The following GRAMD1B variants were observed in gnomAD, a reference collection of about 807,000 sequenced individuals.
The protein encoded by GRAMD1B is GRAM domain containing 1B, also known as protein Aster-B.
Under a neutral mutation model 99.7 loss-of-function variants are expected in GRAMD1B, and 37 were observed. The ratio of observed to expected loss-of-function variants is 0.37; its 90% CI spans 0.29 to 0.49. The LOEUF (loss-of-function observed/expected upper bound fraction) is 0.49, where lower values mean the gene tolerates loss of function less well. GRAMD1B is among the 20% of genes least tolerant of loss of function. The pLI, the probability that GRAMD1B is intolerant of heterozygous loss-of-function variation, is 0.98. For synonymous variants in GRAMD1B, 427 were observed against 387.6 expected (o/e 1.10, Z -1.19); for missense variants, 888 against 1,009.2 (o/e 0.88, Z 1.63).
At chr11:123,534,778 T>C (rs1316521538) in intron 2 of GRAMD1B, among the ~76,000 whole-genome samples, 1 of 151,928 alleles carries the variant, frequency 6.6e-6, no homozygotes, top group African/African-American at 2.4e-5. Flanking sequence ...GGCAGGAGAA[T>C]TGCTTGAACC....
intron 2 of GRAMD1B, among the ~76,000 whole-genome samples, chr11:123,527,083 C>A (rs1283208973): frequency 6.6e-6 from 1 of 152,060 alleles, no homozygotes; most frequent in Non-Finnish European, 1.5e-5. Context: ...GAGCTTTCTC[C>A]CTGAAGAGGG....
Position 123,363,575 on chromosome 11 carries a change from T to C in GRAMD1B, c.-176+4776T>C, listed in dbSNP as rs144383697. On this transcript the variant is annotated intron_variant, in intron 1 of 20. Transcript: ENST00000638157. ...CTCTCATACTCTCTCTCATACTTTT[T>C]TTTTGTTTGTTTTTTTTTGGCACTG... Among the ~76,000 whole-genome samples the C allele has an allele frequency of 2.5e-3, 375 of 152,014 alleles. 4 individuals carry two copies. The highest frequency in any genetic ancestry group is 6.0e-3 in the African/African-American group (247 of 41,298).
intron 1 of GRAMD1B, among the ~76,000 whole-genome samples, chr11:123,470,331 C>T (rs1313689979): frequency 3.9e-5 from 6 of 152,232 alleles, no homozygotes; most frequent in East Asian, 1.9e-4. Flanking sequence ...ACAAAACTGC[C>T]GAGAGCAGCT....
At chr11:123,463,337 G>A (rs1444369161) in intron 1 of GRAMD1B, among the ~76,000 whole-genome samples, 1 of 152,222 alleles carries the variant, frequency 6.6e-6, no homozygotes, top group Non-Finnish European at 1.5e-5. Context: ...TTAAAATGGG[G>A]ATCAGAGTGT....
chr11:123,625,681 C>T lies in GRAMD1B; in HGVS notation c.*3086C>T, dbSNP rs112130784. ...CTCCCCCTCTCTGAGCTTCAGTATC[C>T]TCCTGTCACAGGAGGGAGTTGGGCT... On this transcript the variant is annotated 3_prime_UTR_variant, in exon 20 of 20. Transcript: ENST00000635736. The T allele has an allele frequency of 5.8e-4, 88 of 152,480 alleles. No homozygotes were observed. The highest frequency in any genetic ancestry group is 2.0e-3 in the African/African-American group (83 of 41,552). The allele number at this position is 152,480 out of a possible 1,614,324, so 9.4% of individuals were successfully genotyped here. A position where few individuals can be genotyped will look rare whatever the true frequency, so the allele number is the denominator to read the frequency against.
chr11:123,543,735 C>T (rs1437145321), intron 2 of GRAMD1B, among the ~76,000 whole-genome samples: 2 of 152,156 alleles, frequency 1.3e-5, no homozygotes, highest in Non-Finnish European at 2.9e-5. Context: ...GATCCCATTT[C>T]GCAGAAGAAT....
At chr11:123,361,007 G>A (rs1190827421) in intron 1 of GRAMD1B, among the ~76,000 whole-genome samples, 1 of 151,998 alleles carries the variant, frequency 6.6e-6, no homozygotes, top group Admixed American at 6.6e-5. Flanking sequence ...TACTAGAGAT[G>A]GGGTTTCACC....
At chr11:123,592,864 C>A (rs1285491182) in intron 4 of GRAMD1B, among the ~76,000 whole-genome samples, 1 of 151,962 alleles carries the variant, frequency 6.6e-6, no homozygotes, top group Non-Finnish European at 1.5e-5. Context: ...CATCTGTCAC[C>A]CCCGGTGCTC....
chr11:123,503,163 T>A (rs1037237636), intron 2 of GRAMD1B, among the ~76,000 whole-genome samples: 2 of 152,234 alleles, frequency 1.3e-5, no homozygotes, highest in African/African-American at 4.8e-5. Flanking sequence ...ATAGGACATT[T>A]GTGAACAAGG....
At chr11:123,548,292 AT>A (rs1358586223) in intron 2 of GRAMD1B, among the ~76,000 whole-genome samples, 18 of 7,678 alleles carry the variant, frequency 2.3e-3, no homozygotes, top group South Asian at 5.4e-3. Context: ...CTGTGCCAAA[AT>A]ATATATATAT....
chr11:123,376,816 A>G (rs545443328), intron 1 of GRAMD1B, among the ~76,000 whole-genome samples: 1 of 152,246 alleles, frequency 6.6e-6, no homozygotes, highest in South Asian at 2.1e-4. Flanking sequence ...TTTTCCTCCC[A>G]CGGTGGTTGT....
intron 1 of GRAMD1B, among the ~76,000 whole-genome samples, chr11:123,376,365 T>C (rs1229735181): frequency 1.3e-5 from 2 of 152,224 alleles, no homozygotes; most frequent in African/African-American, 4.8e-5. Context: ...GAAAATGTGT[T>C]GAGTAAATGA....
At chr11:123,472,642 G>A (rs1365141365) in intron 1 of GRAMD1B, among the ~76,000 whole-genome samples, 1 of 152,256 alleles carries the variant, frequency 6.6e-6, no homozygotes, top group Non-Finnish European at 1.5e-5. Context: ...GAGTGCACCA[G>A]ATTTTTATAG....
At chr11:123,537,297 T>G (rs1411893050) in intron 2 of GRAMD1B, among the ~76,000 whole-genome samples, 1 of 152,208 alleles carries the variant, frequency 6.6e-6, no homozygotes. Context: ...GACCTCTTTT[T>G]GGGCCCTTTC....
intron 1 of GRAMD1B, among the ~76,000 whole-genome samples, chr11:123,478,303 C>G (rs971068833): frequency 6.6e-6 from 1 of 152,204 alleles, no homozygotes; most frequent in Non-Finnish European, 1.5e-5. Context: ...TGAGCCAACC[C>G]GCCTGGTTCC....
chr11:123,423,450 T>C (rs979097442), intron 1 of GRAMD1B, among the ~76,000 whole-genome samples: 9 of 152,200 alleles, frequency 5.9e-5, no homozygotes, highest in Admixed American at 1.3e-4. Flanking sequence ...ACTTAGTAGA[T>C]GCTCAAAAAC....
chr11:123,503,216 C>T (rs1214697549), intron 2 of GRAMD1B, among the ~76,000 whole-genome samples: 2 of 152,198 alleles, frequency 1.3e-5, no homozygotes, highest in Non-Finnish European at 2.9e-5. Flanking sequence ...GCGTGGCAGC[C>T]TTATGCAGTC....
chr11:123,513,310 C>T (rs1474482583), intron 2 of GRAMD1B, among the ~76,000 whole-genome samples: 3 of 152,086 alleles, frequency 2.0e-5, no homozygotes, highest in Non-Finnish European at 4.4e-5. Context: ...AGAGCTTTTA[C>T]AGGTGTGACT....
intron 2 of GRAMD1B, among the ~76,000 whole-genome samples, chr11:123,543,306 T>C (rs770094841): frequency 1.9e-4 from 29 of 152,186 alleles, no homozygotes; most frequent in Non-Finnish European, 3.7e-4. Context: ...ACTGGATCAG[T>C]GAAAGAATAA....
Sources: gnomAD v4.1 joint callset for allele counts (sites outside exome capture counted in the v4.1 genomes callset) on GRCh38, gnomAD v4.1.1 for gene constraint, MANE v1.5 for transcripts, NCBI Gene and HGNC (gene_info 2026-07-23, HGNC 2026-07-21) for gene names.